The following ACOXL variants were observed in gnomAD, a reference collection of about 807,000 sequenced individuals.
ACOXL encodes the protein acyl-coenzyme A oxidase-like protein.
ACOXL carries 70 observed loss-of-function variants against 71.9 expected under a neutral mutation model. That is an observed-to-expected ratio of 0.97 (90% CI 0.80 to 1.19). The LOEUF is 1.19. ACOXL is among the 50% of genes most tolerant of loss of function. The pLI, the probability that ACOXL is intolerant of heterozygous loss-of-function variation, is 0.00. For synonymous variants in ACOXL, 253 were observed against 281.6 expected (o/e 0.90, Z 1.02); for missense variants, 703 against 736.3 (o/e 0.95, Z 0.52).
At chr2:110,815,874 A>G (rs1460562646) in intron 9 of ACOXL, among the ~76,000 whole-genome samples, 1 of 152,224 alleles carries the variant, frequency 6.6e-6, no homozygotes, top group Non-Finnish European at 1.5e-5. Flanking sequence ...GCTGGTCACT[A>G]GGAATGTCAA....
chr2:110,876,790 C>T (rs148033914), intron 10 of ACOXL, among the ~76,000 whole-genome samples: 7 of 152,310 alleles, frequency 4.6e-5, no homozygotes, highest in Non-Finnish European at 1.0e-4. Context: ...TTTGTTTGAG[C>T]GCCCCCTAGG....
At chr2:110,978,052 G>A (rs2062536306) in intron 12 of ACOXL, among the ~76,000 whole-genome samples, 2 of 152,164 alleles carry the variant, frequency 1.3e-5, no homozygotes, top group African/African-American at 2.4e-5. Context: ...AGTGGAGGCC[G>A]AAGACTGGTA....
At chr2:110,823,250 CAAA>C (rs879569948) in intron 9 of ACOXL, among the ~76,000 whole-genome samples, 3 of 84,520 alleles carry the variant, frequency 3.5e-5, no homozygotes, top group Admixed American at 1.3e-4. Context: ...GACTCCATCT[CAAA>C]AAAAAAAAAA....
chr2:111,057,698 G>T (rs1451959063), intron 16 of ACOXL, among the ~76,000 whole-genome samples: 2 of 152,196 alleles, frequency 1.3e-5, no homozygotes, highest in African/African-American at 4.8e-5. Flanking sequence ...TCTGCTATAA[G>T]GAGAAATGGG....
intron 16 of ACOXL, among the ~76,000 whole-genome samples, chr2:111,067,349 T>G (rs2067122543): frequency 6.6e-6 from 1 of 152,138 alleles, no homozygotes; most frequent in Admixed American, 6.5e-5. Flanking sequence ...ACCTTTAAAC[T>G]TTGAGAAAGG....
At chr2:110,880,020 C>T (rs1043304128) in intron 10 of ACOXL, among the ~76,000 whole-genome samples, 2 of 151,780 alleles carry the variant, frequency 1.3e-5, no homozygotes, top group Non-Finnish European at 2.9e-5. Flanking sequence ...GTGGCAGGTG[C>T]CTGTAATCCC....
At chr2:111,029,957 C>T (rs2065189497) in intron 14 of ACOXL, among the ~76,000 whole-genome samples, 1 of 152,030 alleles carries the variant, frequency 6.6e-6, no homozygotes, top group Admixed American at 6.6e-5. Flanking sequence ...CTTCTTCAGG[C>T]AGGGGTCTGC....
intron 11 of ACOXL, among the ~76,000 whole-genome samples, chr2:110,926,675 T>C (rs1397739030): frequency 2.6e-5 from 4 of 152,196 alleles, no homozygotes; most frequent in African/African-American, 7.2e-5. Context: ...TTAGTTGCTA[T>C]TGCCATCCCC....
At chr2:110,898,830 G>A (rs1273028049) in intron 10 of ACOXL, among the ~76,000 whole-genome samples, 1 of 152,158 alleles carries the variant, frequency 6.6e-6, no homozygotes, top group African/African-American at 2.4e-5. Context: ...GCTTATTTAT[G>A]TAGAAAACCC....
At chr2:110,767,696 T>C (rs2104975717) in intron 1 of ACOXL, among the ~76,000 whole-genome samples, 1 of 152,266 alleles carries the variant, frequency 6.6e-6, no homozygotes, top group African/African-American at 2.4e-5. Context: ...GCAACACGCA[T>C]GTCACTCCCT....
At chr2:110,837,401 T>G (rs1207228352) in intron 9 of ACOXL, among the ~76,000 whole-genome samples, 1 of 152,172 alleles carries the variant, frequency 6.6e-6, no homozygotes, top group African/African-American at 2.4e-5. Flanking sequence ...CTTTGCTGCC[T>G]TCTAAGATAG....
At chr2:111,061,776 A>T (rs1228893669) in intron 16 of ACOXL, among the ~76,000 whole-genome samples, 1 of 152,164 alleles carries the variant, frequency 6.6e-6, no homozygotes, top group Non-Finnish European at 1.5e-5. Flanking sequence ...ATGCACGTAG[A>T]CCATGAAAAG....
intron 11 of ACOXL, among the ~76,000 whole-genome samples, chr2:110,929,159 A>G (rs2060390235): frequency 1.3e-5 from 2 of 152,220 alleles, no homozygotes; most frequent in South Asian, 4.1e-4. Flanking sequence ...AAAATGAGGA[A>G]AAGTTTGGAA....
chr2:110,930,939 G>A (rs561238856), intron 11 of ACOXL, among the ~76,000 whole-genome samples: 5 of 152,294 alleles, frequency 3.3e-5, no homozygotes, highest in African/African-American at 1.2e-4. Context: ...TCAGCAGTAT[G>A]AAAACACTAA....
intron 11 of ACOXL, among the ~76,000 whole-genome samples, chr2:110,915,350 ATGTGTGTG>A (rs3059185): frequency 1.7e-3 from 189 of 113,630 alleles, no homozygotes; most frequent in African/African-American, 3.5e-3. Context: ...ATATATATAT[ATGTGTGTG>A]TGTGTGTGTG....
chr2:111,027,088 G>T (rs2065047944), intron 14 of ACOXL, among the ~76,000 whole-genome samples: 1 of 151,942 alleles, frequency 6.6e-6, no homozygotes, highest in Non-Finnish European at 1.5e-5. Context: ...GTAGAGACGG[G>T]GTTTCACCAT....
chr2:111,108,842 A>G (rs1408816230), intron 17 of ACOXL, among the ~76,000 whole-genome samples: 5 of 152,236 alleles, frequency 3.3e-5, no homozygotes, highest in Non-Finnish European at 1.5e-5. Context: ...TAACTTTATT[A>G]TAAGAGCTCA....
rs1352115926 is a variant in ACOXL, at chr2:110,932,622, A to T, written c.906-867A>T. On this transcript the variant is annotated intron_variant, in intron 11 of 17. Transcript: ENST00000439055. ...AATTTCAAGGGAAGTGGAATTAAAA[A>T]GTTACAAATACAAGAGGCATGTGAA... 2.0e-5 allele frequency among the ~76,000 whole-genome samples: 3 copies of T among 152,348 alleles called. No individual in the cohort carries two copies. The East Asian group carries it at 5.8e-4, about 29-fold the overall frequency.
intron 12 of ACOXL, among the ~76,000 whole-genome samples, chr2:110,983,869 A>G (rs1346280882): frequency 6.6e-6 from 1 of 152,034 alleles, no homozygotes; most frequent in Non-Finnish European, 1.5e-5. Context: ...TTATTTTTGG[A>G]GACAGAGTCT....
Sources: allele counts gnomAD v4.1 joint callset (sites outside exome capture counted in the v4.1 genomes callset), GRCh38; gene constraint gnomAD v4.1.1; transcripts MANE v1.5; gene names NCBI Gene and HGNC (gene_info 2026-07-23, HGNC 2026-07-21).